Variants in ANKAR observed in about 807,000 individuals in gnomAD.
ANKAR encodes the protein ankyrin and armadillo repeat-containing protein.
A neutral mutation model predicts 146.2 loss-of-function variants in ANKAR; 136 were observed. The ratio of observed to expected loss-of-function variants is 0.93; its 90% CI spans 0.81 to 1.07. The LOEUF (loss-of-function observed/expected upper bound fraction) is 1.07, where lower values mean the gene tolerates loss of function less well. Ranked by LOEUF, ANKAR falls within the 50% of genes least tolerant of loss-of-function variation. The probability of loss-of-function intolerance (pLI) is 0.00; values close to 1 mark genes in which losing one functional copy is unlikely to be tolerated. For synonymous variants in ANKAR, 500 were observed against 575.8 expected (o/e 0.87, Z 1.88); for missense variants, 1,567 against 1,679.9 (o/e 0.93, Z 1.18).
intron 21 of ANKAR, among the ~76,000 whole-genome samples, chr2:189,744,118 C>T (rs970904726): frequency 1.2e-4 from 18 of 152,152 alleles, no homozygotes; most frequent in East Asian, 7.7e-4. Flanking sequence ...ACTCAAGATA[C>T]GTTAACTCTA....
At chr2:189,711,621 G>C (rs190206015) in intron 10 of ANKAR, among the ~76,000 whole-genome samples, 1 of 152,060 alleles carries the variant, frequency 6.6e-6, no homozygotes, top group Non-Finnish European at 1.5e-5. Flanking sequence ...GGCTCTACTG[G>C]GGTCCGTTCC....
chr2:189,676,760 C>T lies in ANKAR; in HGVS notation c.270C>T (p.Asp90=). 1.2e-6 allele frequency: 2 copies of T among 1,614,088 alleles called. No individual in the cohort carries two copies. Among genetic ancestry groups the T allele is most frequent in the Middle Eastern group, 1.6e-4 (1 of 6,062 alleles). The part of the protein sequence containing the change: ...FSTAILLTPV[D]PTALLDYREV... ...CTGCAATCCTACTGACTCCCGTGGA[C>T]CCTACTGCCCTCTTAGACTATAGAG... The change falls in exon 2 of 23, where the codon GAC becomes GAT. Residue 90 remains aspartate, a synonymous_variant. Transcript: ENST00000684021.
Position 189,689,879 on chromosome 2 carries a change from A to T in ANKAR, c.954A>T (p.Leu318Phe). 1.3e-6 allele frequency: 2 copies of T among 1,586,414 alleles called. No homozygotes were observed. The highest frequency in any genetic ancestry group is 1.7e-6 in the Non-Finnish European group (2 of 1,170,864). Residue 318 changes from leucine to phenylalanine, a missense_variant, in exon 3 of 23, where the codon TTA (leucine) becomes TTT (phenylalanine). Physicochemically the swap from Leu to Phe is conservative, Grantham distance 22 (BLOSUM62 0). Coordinates refer to ENST00000684021, the MANE Select transcript of ANKAR (RefSeq NM_001378068.1). ...GAAGAGGGATAGGATACCTAAAGTTAATATGTTTTCTGATTCCATTTCTAC... is the reference window on the plus strand; with the variant it reads ...GAAGAGGGATAGGATACCTAAAGTTTATATGTTTTCTGATTCCATTTCTAC... Reference protein sequence around the residue: ...DIRRGIGYLKLICFLIPFLLS... With the variant: ...DIRRGIGYLKFICFLIPFLLS...
intron 17 of ANKAR, among the ~76,000 whole-genome samples, chr2:189,736,067 C>T (rs973610528): frequency 1.3e-5 from 2 of 152,170 alleles, no homozygotes; most frequent in Non-Finnish European, 2.9e-5. Context: ...TATGGAAACA[C>T]ATGTCTTTCC....
intron 18 of ANKAR, chr2:189,754,221 T>A (rs749498661): frequency 6.2e-7 from 1 of 1,613,910 alleles, no homozygotes; most frequent in Non-Finnish European, 8.5e-7. Context: ...ATTTTTAGCA[T>A]GATGCAAGGG....
intron 7 of ANKAR, among the ~76,000 whole-genome samples, chr2:189,700,873 T>A (rs186241775): frequency 6.6e-6 from 1 of 152,254 alleles, no homozygotes; most frequent in African/African-American, 2.4e-5. Flanking sequence ...CTCATTCTTT[T>A]TCATGGCTGA....
intron 18 of ANKAR, among the ~76,000 whole-genome samples, chr2:189,756,283 C>T (rs1163106988): frequency 6.6e-6 from 1 of 152,112 alleles, no homozygotes; most frequent in African/African-American, 2.4e-5. Flanking sequence ...TGGATGGCCA[C>T]TCCAAATATC....
chr2:189,745,036 C>CTACTACTACTACTACTACTACTACTACT (rs1553537073), intron 22 of ANKAR, among the ~76,000 whole-genome samples: 1 of 93,896 alleles, frequency 1.1e-5, no homozygotes. Flanking sequence ...ACTAATAATA[C>CTACTACTACTACTACTACTACTACTACT]AAAAATTAGC....
At chr2:189,755,651 T>A in intron 18 of ANKAR, 1 of 1,362,700 alleles carries the variant, frequency 7.3e-7, no homozygotes, top group Non-Finnish European at 9.9e-7. Context: ...TTCAAGTTAA[T>A]CATTATATAG....
At chr2:189,682,531 G>A (rs2034887738) in intron 2 of ANKAR, among the ~76,000 whole-genome samples, 1 of 152,072 alleles carries the variant, frequency 6.6e-6, no homozygotes, top group African/African-American at 2.4e-5. Context: ...ACCACACCTG[G>A]AGCACCACTG....
At chr2:189,697,687 G>A (rs954775566) in intron 7 of ANKAR, among the ~76,000 whole-genome samples, 1 of 152,032 alleles carries the variant, frequency 6.6e-6, no homozygotes, top group African/African-American at 2.4e-5. Context: ...CTTTTTTAGT[G>A]TGGAAAAAGT....
At chr2:189,704,321 T>A (rs1322208768) in intron 7 of ANKAR, among the ~76,000 whole-genome samples, 1 of 150,980 alleles carries the variant, frequency 6.6e-6, no homozygotes, top group Admixed American at 6.6e-5. Flanking sequence ...TTTTTTTGTA[T>A]TTTTAGTAGA....
intron 2 of ANKAR, 150 bp downstream of exon 2, chr2:189,677,241 G>A: frequency 1.6e-6 from 1 of 623,196 alleles, no homozygotes; most frequent in Non-Finnish European, 2.4e-6. Context: ...ATGAGCCGCT[G>A]CACCTGGCCA....
intron 2 of ANKAR, among the ~76,000 whole-genome samples, chr2:189,683,712 C>T (rs2035098650): frequency 6.6e-6 from 1 of 152,186 alleles, no homozygotes; most frequent in Admixed American, 6.5e-5. Flanking sequence ...TGTTATATCA[C>T]CATTCACGTT....
At chr2:189,724,838 T>C (rs2041682163) in intron 12 of ANKAR, among the ~76,000 whole-genome samples, 1 of 152,182 alleles carries the variant, frequency 6.6e-6, no homozygotes, top group Non-Finnish European at 1.5e-5. Context: ...TTTGGAAATA[T>C]ATTGATATTC....
intron 15 of ANKAR, among the ~76,000 whole-genome samples, chr2:189,729,715 T>TGTGTGTGTGTGTGTGTGTGTGTGTGTGTG (rs61101787): frequency 4.2e-5 from 6 of 141,482 alleles, no homozygotes; most frequent in East Asian, 4.4e-4. Flanking sequence ...TGTGTGTGTG[T>TGTGTGTGTGTGTGTGTGTGTGTGTGTGTG]GGTGCGGGTG....
intron 7 of ANKAR, among the ~76,000 whole-genome samples, chr2:189,700,693 C>G (rs1177356559): frequency 6.6e-6 from 1 of 152,214 alleles, no homozygotes; most frequent in African/African-American, 2.4e-5. Flanking sequence ...ACTACCCTTC[C>G]CAGCCTCTGG....
At chr2:189,701,599 T>C (rs1263092044) in intron 7 of ANKAR, among the ~76,000 whole-genome samples, 1 of 152,228 alleles carries the variant, frequency 6.6e-6, no homozygotes, top group African/African-American at 2.4e-5. Flanking sequence ...TCTAATCTCT[T>C]TATAAGCTCA....
chr2:189,741,440 G>C lies in ANKAR; in HGVS notation c.3799G>C (p.Gly1267Arg). 6.3e-7 allele frequency: 1 copy of C among 1,596,304 alleles called. No individual in the cohort carries two copies. Among genetic ancestry groups the C allele is most frequent in the Non-Finnish European group, 8.5e-7 (1 of 1,172,676 alleles). ...ACGGCTCTGCTATCATTTGTACTCGGGAATAGAAGAGGTAAAAACAAGCAA... is the reference window on the plus strand; with the variant it reads ...ACGGCTCTGCTATCATTTGTACTCGCGAATAGAAGAGGTAAAAACAAGCAA... ...IQRLCYHLYS[G>R]IEEVRAACSS... The change falls in exon 20 of 23, where the codon GGA becomes CGA. Residue 1267 changes from glycine (G) to arginine (R), a missense_variant. Transcript: ENST00000684021.
Sources: allele counts gnomAD v4.1 joint callset (sites outside exome capture counted in the v4.1 genomes callset), GRCh38; gene constraint gnomAD v4.1.1; transcripts MANE v1.5; gene names NCBI Gene and HGNC (gene_info 2026-07-23, HGNC 2026-07-21).